The following ISM2 variants were observed in gnomAD, a reference collection of about 807,000 sequenced individuals.
ISM2 encodes the protein isthmin 2, also known as isthmin-2.
In ISM2, 50 loss-of-function variants were observed where a neutral mutation model predicts 58.0. The observed-to-expected ratio is 0.86, with a 90% CI of 0.69 to 1.09. The LOEUF is 1.09. Ranked by LOEUF, ISM2 falls within the 50% of genes least tolerant of loss-of-function variation. The pLI, the probability that ISM2 is intolerant of heterozygous loss-of-function variation, is 0.00. For missense variants in ISM2, 723 were observed against 745.0 expected (o/e 0.97, Z 0.34); for synonymous variants, 303 against 312.4 (o/e 0.97, Z 0.32).
At position 77,482,634 on chromosome 14, in the gene ISM2, C is replaced by G; in HGVS notation, c.661G>C (p.Glu221Gln). ...TIKVVEDPQA[E>Q]VSIDLLAEPS... ...TCAGCCAACAGGTCTATCGACACCT[C>G]GGCCTGGGGGTCCTCCACCACCTTG... is the stretch of plus-strand genomic sequence containing the variant. The change falls in exon 4 of 7, where the codon GAG becomes CAG. Residue 221 changes from glutamate to glutamine, a missense_variant. Transcript: ENST00000342219. 1.3e-6 allele frequency: 2 copies of G among 1,573,048 alleles called. No individual in the cohort carries two copies. The highest frequency in any genetic ancestry group is 1.7e-6 in the Non-Finnish European group (2 of 1,161,150).
chr14:77,484,655 C>G, intron 2 of ISM2, 22 bp downstream of exon 2: 2 of 1,605,202 alleles, frequency 1.2e-6, no homozygotes, highest in Non-Finnish European at 1.7e-6. Context: ...CCAGGAGCTG[C>G]TGGCCCTTCT....
Position 77,474,620 on chromosome 14 carries a change from A to T in ISM2, c.*975T>A, listed in dbSNP as rs925969714. 6.6e-6 allele frequency: 1 copy of T among 152,176 alleles called. No individual in the cohort carries two copies. Among genetic ancestry groups the T allele is most frequent in the Non-Finnish European group, 1.5e-5 (1 of 68,032 alleles). 9.4% of individuals were successfully genotyped at this position (152,176 alleles called of 1,614,324 possible). A position where few individuals can be genotyped will look rare whatever the true frequency, so the allele number is the denominator to read the frequency against. Reference sequence around the variant, plus strand: ...GAGCGATTATGTGCATCTCTTCCCAACTCTGAGTTCAGTGCATTCAGTGAT... The same window carrying T: ...GAGCGATTATGTGCATCTCTTCCCATCTCTGAGTTCAGTGCATTCAGTGAT... On this transcript the variant is annotated 3_prime_UTR_variant, in exon 7 of 7. Transcript: ENST00000342219.
chr14:77,495,504 T>C (rs2079233543), intron 1 of ISM2, among the ~76,000 whole-genome samples: 1 of 152,282 alleles, frequency 6.6e-6, no homozygotes. Context: ...ACAATGCCAA[T>C]TTAGTTAATT....
intron 6 of ISM2, among the ~76,000 whole-genome samples, chr14:77,476,929 T>G: frequency 6.6e-6 from 1 of 152,078 alleles, no homozygotes; most frequent in East Asian, 1.9e-4. Flanking sequence ...TCCCAGCTAC[T>G]CGGGAGGCTG....
At chr14:77,491,465 C>A (rs143842625) in intron 1 of ISM2, among the ~76,000 whole-genome samples, 2 of 151,964 alleles carry the variant, frequency 1.3e-5, no homozygotes, top group African/African-American at 4.8e-5. Flanking sequence ...CTCGGCTCAC[C>A]GCAACCTCTG....
At position 77,484,406 on chromosome 14, in the gene ISM2, C is replaced by T; in HGVS notation, c.544G>A (p.Glu182Lys). 2 of 1,612,526 alleles carry T rather than the reference C, an allele frequency of 1.2e-6. No individual in the cohort carries two copies. The highest frequency in any genetic ancestry group is 1.7e-6 in the Non-Finnish European group (2 of 1,179,520). Residue 182 changes from glutamate (E) to lysine (K), a missense_variant, in exon 3 of 7, where the codon GAG becomes AAG. By Grantham distance (56) the Glu-to-Lys change is moderately conservative. Coordinates refer to ENST00000342219, the MANE Select transcript of ISM2 (RefSeq NM_199296.3). ...AGCTCCAGCAGCAAGGGAGTAACCT[C>T]CTGGGTCCTGGGAGGCGTGGCATTC... The part of the protein sequence containing the change: ...PGNATPPRTQ[E>K]VTPLLLELQK...
chr14:77,490,145 G>C (rs148647423), intron 1 of ISM2, among the ~76,000 whole-genome samples: 1 of 150,428 alleles, frequency 6.6e-6, no homozygotes, highest in Non-Finnish European at 1.5e-5. Flanking sequence ...TTACAGGCGT[G>C]AGCCACCACG....
intron 1 of ISM2, among the ~76,000 whole-genome samples, chr14:77,485,532 A>G (rs1301908299): frequency 6.6e-6 from 1 of 152,278 alleles, no homozygotes; most frequent in Non-Finnish European, 1.5e-5. Flanking sequence ...GCCACTGGCC[A>G]TGGTGTCCTC....
rs1307126902 is a variant in ISM2 at position 77,482,572 on chromosome 14, C to T, written c.723G>A (p.Trp241Ter). The part of the protein sequence containing the change: ...SNPPPQDTLS[W>*]LPALWSFLWG... ...AGAGGAAGGACCAGAGGGCGGGCAG[C>T]CAGCTAAGGGTATCCTGGGGCGGGG... Residue 241 changes from tryptophan to a stop codon, truncating the protein, a stop_gained, in exon 4 of 7, where the codon TGG becomes TGA. Transcript: ENST00000342219. LOFTEE classifies it high-confidence loss of function. 6.2e-7 allele frequency: 1 copy of T among 1,613,824 alleles called. No individual in the cohort carries two copies. The highest frequency in any genetic ancestry group is 1.1e-5 in the South Asian group (1 of 91,034).
chr14:77,475,076 C>T lies in ISM2; in HGVS notation c.*519G>A, dbSNP rs1334133691. On this transcript the variant is annotated 3_prime_UTR_variant, in exon 7 of 7. Transcript: ENST00000342219. The surrounding 1 kb of genome is among the most constrained non-coding windows in gnomAD (Gnocchi z 4.1). ...TGGGGAAAGAAGGGCATGTGCACCA[C>T]CCAGAGATAAGGAGGGGTGGCCACC... 3.3e-5 allele frequency: 5 copies of T among 149,840 alleles called. No individual in the cohort carries two copies. The highest frequency in any genetic ancestry group is 1.2e-4 in the African/African-American group (5 of 40,668). 9.3% of individuals were successfully genotyped at this position (149,840 alleles called of 1,614,324 possible).
At chr14:77,480,554 T>C (rs1285830661) in intron 4 of ISM2, among the ~76,000 whole-genome samples, 1 of 136,886 alleles carries the variant, frequency 7.3e-6, no homozygotes. Context: ...TTTCCTTTTT[T>C]TTTTTTTTTT....
chr14:77,478,355 G>T, intron 5 of ISM2, 30 bp from the exon 6 acceptor site: 1 of 1,587,168 alleles, frequency 6.3e-7, no homozygotes, highest in Non-Finnish European at 8.6e-7. Context: ...CAGGCTGGTG[G>T]CTCCGCAGGC....
At chr14:77,481,920 G>C (rs534896624) in intron 4 of ISM2, among the ~76,000 whole-genome samples, 1 of 151,104 alleles carries the variant, frequency 6.6e-6, no homozygotes, top group South Asian at 2.1e-4. Context: ...TGCAACATAG[G>C]GAGACCTCAT....
chr14:77,497,770 G>C (rs1267525688), intron 1 of ISM2, among the ~76,000 whole-genome samples: 3 of 74,810 alleles, frequency 4.0e-5, no homozygotes, highest in Non-Finnish European at 7.3e-5. Context: ...AGGGAGGGAG[G>C]GAAGGAAGGA....
intron 1 of ISM2, among the ~76,000 whole-genome samples, chr14:77,492,746 G>A (rs570719282): frequency 9.6e-4 from 146 of 152,068 alleles, no homozygotes; most frequent in African/African-American, 3.2e-3. Context: ...GGTGGCTCGC[G>A]CCTGTAATCC....
chr14:77,475,705 C>T lies in ISM2; in HGVS notation c.1606G>A (p.Asp536Asn). ...AGCACAGCGTGGAGGCGGCTCCAGT[C>T]CCCCTTGCACAGGATCCAGGGCGTC... Reference protein sequence around the residue: ...DTTPWILCKGDWSRLHAVLPP... With the variant: ...DTTPWILCKGNWSRLHAVLPP... Residue 536 changes from aspartate to asparagine, a missense_variant, in exon 7 of 7, where the codon GAC becomes AAC. Transcript: ENST00000342219. This position sits in a 1 kb window ranked among gnomAD's most constrained non-coding sequence, Gnocchi z 4.1. The T allele has an allele frequency of 6.2e-7, 1 of 1,614,102 alleles. No homozygotes were observed. The highest frequency in any genetic ancestry group is 1.6e-4 in the Middle Eastern group (1 of 6,062).
intron 6 of ISM2, among the ~76,000 whole-genome samples, chr14:77,477,571 G>A (rs966625043): frequency 1.4e-4 from 21 of 152,208 alleles, no homozygotes; most frequent in African/African-American, 4.8e-4. Flanking sequence ...TCTTTGCAGT[G>A]CAGTGCTCAC....
At chr14:77,498,270 G>A (rs2079260128) in intron 1 of ISM2, 1 of 1,312,448 alleles carries the variant, frequency 7.6e-7, no homozygotes, top group Non-Finnish European at 1.0e-6. Context: ...TCCGCAAAGC[G>A]CCAGATTCCT....
In ISM2 at chr14:77,498,796, T is replaced by C; in HGVS notation, c.-3A>G. Reference sequence around the variant, plus strand: ...GCTCGGTCGCGGAGCGCACGCATCGTCTCGGTTCCGAGGCTGCTCTGCCTG... The same window carrying C: ...GCTCGGTCGCGGAGCGCACGCATCGCCTCGGTTCCGAGGCTGCTCTGCCTG... On this transcript the variant is annotated 5_prime_UTR_variant, in exon 1 of 7. Coordinates refer to ENST00000342219, the MANE Select transcript of ISM2 (RefSeq NM_199296.3). 5.6e-6 allele frequency: 8 copies of C among 1,429,986 alleles called. No homozygotes were observed. The highest frequency in any genetic ancestry group is 6.4e-6 in the Non-Finnish European group (7 of 1,101,396). 88.6% of individuals were successfully genotyped at this position (1,429,986 alleles called of 1,614,324 possible). A position where few individuals can be genotyped will look rare whatever the true frequency, so the allele number is the denominator to read the frequency against.
Sources: gnomAD v4.1 joint callset for allele counts (sites outside exome capture counted in the v4.1 genomes callset) on GRCh38, gnomAD v4.1.1 for gene constraint, Gnocchi (gnomAD v3.1) non-coding constraint, MANE v1.5 for transcripts, NCBI Gene and HGNC (gene_info 2026-07-23, HGNC 2026-07-21) for gene names.